Variants in MZT1 observed in about 807,000 individuals in gnomAD.
MZT1 encodes the protein mitotic spindle organizing protein 1.
Under a neutral mutation model 8.5 loss-of-function variants are expected in MZT1, and 8 were observed. The ratio of observed to expected loss-of-function variants is 0.94; its 90% CI spans 0.55 to 1.70. MZT1 has a LOEUF of 1.70. MZT1 is among the 40% of genes most tolerant of loss of function. MZT1 has a pLI of 0.00. For synonymous variants in MZT1, 38 were observed against 42.0 expected (o/e 0.90, Z 0.37); for missense variants, 93 against 108.6 (o/e 0.86, Z 0.64).
rs542761384 is a variant in MZT1 at position 72,716,416 on chromosome 13, C to G, written c.225+2536G>C. ...TTTTAGCTCTACAAATGTGGTTTAC[C>G]CTTTTTAGTTAGATTTAATAATCAA... is the stretch of plus-strand genomic sequence containing the variant. On this transcript the variant is annotated intron_variant, in intron 2 of 2. Coordinates refer to ENST00000377818, the MANE Select transcript of MZT1 (RefSeq NM_001071775.3). 7.5e-4 allele frequency among the ~76,000 whole-genome samples: 114 copies of G among 152,020 alleles called. 2 individuals carry two copies. In the South Asian group the frequency reaches 0.013, roughly 17 times the overall value.
At chr13:72,715,540 C>A (rs186854039) in intron 2 of MZT1, among the ~76,000 whole-genome samples, 168 of 152,254 alleles carry the variant, frequency 1.1e-3, no homozygotes, top group Non-Finnish European at 1.6e-4. Context: ...TGCATCCCCA[C>A]CCAAATTTCA....
At position 72,708,779 on chromosome 13, in the gene MZT1, G is replaced by A. The variant is rs2032456549; in HGVS notation, c.*1543C>T. ...ACAGATCTTCCAGTTTACTTGGTTG[G>A]TAAAGATGCCAGGCATTTAAAAAGT... On this transcript the variant is annotated 3_prime_UTR_variant, in exon 3 of 3. Transcript: ENST00000377818. 1 of 151,140 alleles carries A rather than the reference G, an allele frequency of 6.6e-6. No homozygotes were observed. Among genetic ancestry groups the A allele is most frequent in the Admixed American group, 6.6e-5 (1 of 15,156 alleles). 9.4% of individuals were successfully genotyped at this position (151,140 alleles called of 1,614,324 possible).
intron 1 of MZT1, among the ~76,000 whole-genome samples, chr13:72,726,564 C>T (rs529683901): frequency 1.6e-4 from 25 of 152,142 alleles, no homozygotes; most frequent in African/African-American, 5.8e-4. Context: ...CTGCAAATAA[C>T]AACATCGATC....
At chr13:72,715,636 T>C (rs978656885) in intron 2 of MZT1, among the ~76,000 whole-genome samples, 1 of 152,190 alleles carries the variant, frequency 6.6e-6, no homozygotes, top group African/African-American at 2.4e-5. Context: ...ACTGAATTCA[T>C]CCCTCATGAA....
At chr13:72,718,701 G>A (rs922320881) in intron 2 of MZT1, among the ~76,000 whole-genome samples, 1 of 151,810 alleles carries the variant, frequency 6.6e-6, no homozygotes, top group African/African-American at 2.4e-5. Context: ...GGATGGTTTC[G>A]ATCTCCTGAC....
At chr13:72,726,644 T>C (rs552414201) in intron 1 of MZT1, among the ~76,000 whole-genome samples, 2 of 151,338 alleles carry the variant, frequency 1.3e-5, no homozygotes, top group South Asian at 4.2e-4. Flanking sequence ...AGAGAGGCCA[T>C]CTGAAATAAT....
rs1250643776 is a variant in MZT1 at position 72,709,240 on chromosome 13, T to C, written c.*1082A>G. On this transcript the variant is annotated 3_prime_UTR_variant, in exon 3 of 3. Coordinates refer to ENST00000377818, the MANE Select transcript of MZT1 (RefSeq NM_001071775.3). ...GAGATTCCTAATATAGAACATTTGATTGTTTAGTTTTGTTTAATGACTGGA... is the reference window on the plus strand; with the variant it reads ...GAGATTCCTAATATAGAACATTTGACTGTTTAGTTTTGTTTAATGACTGGA... 1 of 151,902 alleles carries C rather than the reference T, an allele frequency of 6.6e-6. No homozygotes were observed. The highest frequency in any genetic ancestry group is 1.5e-5 in the Non-Finnish European group (1 of 67,894). 9.4% of individuals were successfully genotyped at this position (151,902 alleles called of 1,614,324 possible).
intron 1 of MZT1, among the ~76,000 whole-genome samples, chr13:72,721,401 C>T (rs1566214179): frequency 1.3e-5 from 2 of 152,164 alleles, no homozygotes. Flanking sequence ...AAGCACGGTG[C>T]ACGGTTCACT....
At chr13:72,717,962 A>G (rs1426381963) in intron 2 of MZT1, among the ~76,000 whole-genome samples, 1 of 152,192 alleles carries the variant, frequency 6.6e-6, no homozygotes, top group Non-Finnish European at 1.5e-5. Flanking sequence ...CTCACTTTTA[A>G]GTATTTGTTA....
chr13:72,716,207 T>C (rs1029649714), intron 2 of MZT1, among the ~76,000 whole-genome samples: 4 of 152,110 alleles, frequency 2.6e-5, no homozygotes, highest in African/African-American at 9.7e-5. Context: ...TAAGCTATCA[T>C]GCCCGGCAGG....
chr13:72,713,295 T>C (rs2032505185), intron 2 of MZT1, among the ~76,000 whole-genome samples: 1 of 152,216 alleles, frequency 6.6e-6, no homozygotes, highest in Non-Finnish European at 1.5e-5. Flanking sequence ...GGACCAGAAC[T>C]GTTTCTGATT....
intron 1 of MZT1, among the ~76,000 whole-genome samples, chr13:72,720,927 T>G (rs1240963779): frequency 1.9e-5 from 1 of 51,384 alleles, no homozygotes; most frequent in African/African-American, 3.8e-5. Context: ...CAGTTCAATT[T>G]GAGTCTTAAA....
chr13:72,725,704 C>T (rs77881183), intron 1 of MZT1, among the ~76,000 whole-genome samples: 2 of 151,996 alleles, frequency 1.3e-5, no homozygotes, highest in Non-Finnish European at 2.9e-5. Flanking sequence ...ATGCAGCCAA[C>T]ACAAACCATC....
At chr13:72,711,122 C>A (rs950994902) in intron 2 of MZT1, among the ~76,000 whole-genome samples, 2 of 152,090 alleles carry the variant, frequency 1.3e-5, no homozygotes, top group South Asian at 2.1e-4. Context: ...AGGACTCCAC[C>A]ATAATGGTAT....
intron 2 of MZT1, 32 bp from the exon 3 acceptor site, chr13:72,710,377 A>G (rs749112768): frequency 1.2e-6 from 2 of 1,609,404 alleles, no homozygotes; most frequent in Non-Finnish European, 1.7e-6. Context: ...CATTACAATA[A>G]AACCATGGAA....
At chr13:72,725,965 C>T (rs911526021) in intron 1 of MZT1, among the ~76,000 whole-genome samples, 1 of 151,782 alleles carries the variant, frequency 6.6e-6, no homozygotes, top group Non-Finnish European at 1.5e-5. Context: ...GTTGATACAT[C>T]GAAAAGGATA....
chr13:72,724,743 C>CT (rs2032626705), intron 1 of MZT1, among the ~76,000 whole-genome samples: 1 of 25,882 alleles, frequency 3.9e-5, no homozygotes, highest in African/African-American at 9.1e-5. Flanking sequence ...TATATATACA[C>CT]ATATATATAT....
rs774886633 is a variant in MZT1 at position 72,718,974 on chromosome 13, C to T, written c.203G>A (p.Arg68His). The T allele has an allele frequency of 8.2e-6, 13 of 1,577,948 alleles. No individual in the cohort carries two copies. The highest frequency in any genetic ancestry group is 1.7e-4 in the Middle Eastern group (1 of 5,872). The change falls in exon 2 of 3, where the codon CGC becomes CAC. Residue 68 changes from arginine to histidine, a missense_variant. Transcript: ENST00000377818. ...AACCTTCAGTGCTTCAGTAGCCTTG[C>T]GAAGCTCCTTAATAACCGATGATAA... ...EALSSVIKEL[R>H]KATEALKAAE...
rs1180726488 is a variant in MZT1, at chr13:72,724,752, A to ATATATATATATGTGTGTG, written c.79+2771_79+2772insCACACACATATATATATA. On this transcript the variant is annotated intron_variant, in intron 1 of 2. Coordinates refer to ENST00000377818, the MANE Select transcript of MZT1 (RefSeq NM_001071775.3). ...TATATATATATATACACATATATAT[A>ATATATATATATGTGTGTG]TGTAAAGTGGTGCTACAGGCCGGGC... Among the ~76,000 whole-genome samples the ATATATATATATGTGTGTG allele has an allele frequency of 1.8e-4, 10 of 56,892 alleles. 2 individuals are homozygous for ATATATATATATGTGTGTG. The highest frequency in any genetic ancestry group is 2.2e-4 in the Non-Finnish European group (6 of 26,834). The allele number at this position is 56,892 out of a possible 152,430, so 37.3% of individuals were successfully genotyped here. A position where few individuals can be genotyped will look rare whatever the true frequency, so the allele number is the denominator to read the frequency against.
Sources: allele counts gnomAD v4.1 joint callset (sites outside exome capture counted in the v4.1 genomes callset), GRCh38; gene constraint gnomAD v4.1.1; transcripts MANE v1.5; gene names NCBI Gene and HGNC (gene_info 2026-07-23, HGNC 2026-07-21).